Variants in CSF3R observed in about 807,000 individuals in gnomAD.
CSF3R encodes the protein colony stimulating factor 3 receptor, also known as granulocyte colony-stimulating factor receptor.
Under a neutral mutation model 84.4 loss-of-function variants are expected in CSF3R, and 52 were observed. The observed-to-expected ratio is 0.62, with a 90% CI of 0.49 to 0.78. CSF3R has a LOEUF of 0.78. Ranked by LOEUF, CSF3R falls within the 30% of genes least tolerant of loss-of-function variation. CSF3R has a pLI of 0.00. For missense variants in CSF3R, 890 were observed against 1,055.7 expected, an observed-to-expected ratio of 0.84 and a Z score of 2.17; for synonymous variants, 384 against 429.1, an observed-to-expected ratio of 0.89 and a Z score of 1.30.
chr1:36,480,476 T>C (rs1651453264), intron 2 of CSF3R, among the ~76,000 whole-genome samples: 1 of 152,160 alleles, frequency 6.6e-6, no homozygotes, highest in African/African-American at 2.4e-5. Flanking sequence ...GCTCCAGTCT[T>C]AGGAAGTATG....
chr1:36,475,818 G>A (rs1651108319), intron 3 of CSF3R, 145 bp from the exon 4 acceptor site: 1 of 799,418 alleles, frequency 1.3e-6, no homozygotes. Flanking sequence ...GAAGGATGGG[G>A]ACGGAGACTT....
rs1205048176 is a variant in CSF3R, at chr1:36,467,069, G to A, written c.2040+161C>T. ...AGGGAGGTGACTGAGGCTTTGAGAT[G>A]GACAGAGGTGGGATTCAAAGTTGGG... is the stretch of plus-strand genomic sequence containing the variant. On this transcript the variant is annotated intron_variant, in intron 16 of 16. Coordinates refer to ENST00000373106, the MANE Select transcript of CSF3R (RefSeq NM_000760.4). This position sits in a 1 kb window ranked among gnomAD's most constrained non-coding sequence, Gnocchi z 4.1. The A allele has an allele frequency of 4.9e-6, 6 of 1,224,862 alleles. No individual in the cohort carries two copies. In the East Asian group the frequency reaches 1.0e-4, roughly 20 times the overall value. The allele number at this position is 1,224,862 out of a possible 1,614,324, so 75.9% of individuals were successfully genotyped here.
chr1:36,470,963 C>T (rs1650678098), intron 10 of CSF3R, among the ~76,000 whole-genome samples: 1 of 152,198 alleles, frequency 6.6e-6, no homozygotes. Context: ...TCATCCCCAT[C>T]TGCTGGATGT....
In CSF3R at chr1:36,471,506, C is replaced by T. The variant is rs559429248; in HGVS notation, c.1212G>A (p.Gln404=). The change falls in exon 10 of 17, where the codon CAG becomes CAA. Residue 404 remains glutamine, a synonymous_variant. Coordinates refer to ENST00000373106, the MANE Select transcript of CSF3R (RefSeq NM_000760.4). ...AGTTATAGGCCACAAGGGCCACCTC[C>T]TGGGCTTCTGAAGGCAGGTGGAAGG... ...SCTFHLPSEA[Q]EVALVAYNSA... 73 of 1,614,226 alleles carry T rather than the reference C, an allele frequency of 4.5e-5. No individual in the cohort carries two copies. The highest frequency in any genetic ancestry group is 3.4e-4 in the South Asian group (31 of 91,092).
Position 36,467,156 on chromosome 1 carries a change from C to T in CSF3R, c.2040+74G>A, listed in dbSNP as rs1650375730. 1.3e-6 allele frequency: 2 copies of T among 1,526,036 alleles called. No individual in the cohort carries two copies. Among genetic ancestry groups the T allele is most frequent in the Non-Finnish European group, 1.8e-6 (2 of 1,100,066 alleles). 94.5% of individuals were successfully genotyped at this position (1,526,036 alleles called of 1,614,324 possible). A position where few individuals can be genotyped will look rare whatever the true frequency, so the allele number is the denominator to read the frequency against. ...GTGACAGGAAGGCCTGAGTACTTGGCTTCAGAAGGTGTCCCTTCACTGAGC... is the reference window on the plus strand; with the variant it reads ...GTGACAGGAAGGCCTGAGTACTTGGTTTCAGAAGGTGTCCCTTCACTGAGC... On this transcript the variant is annotated intron_variant, in intron 16 of 16. Coordinates refer to ENST00000373106, the MANE Select transcript of CSF3R (RefSeq NM_000760.4). The surrounding 1 kb of genome is among the most constrained non-coding windows in gnomAD (Gnocchi z 4.1).
chr1:36,476,862 G>GT (rs1651188606), intron 3 of CSF3R: 1 of 151,592 alleles, frequency 6.6e-6, no homozygotes, highest in Non-Finnish European at 1.5e-5. Flanking sequence ...TAGAGATGGG[G>GT]TTTCACTATG....
intron 4 of CSF3R, 79 bp downstream of exon 4, chr1:36,475,298 T>A (rs1254825946): frequency 6.4e-7 from 1 of 1,571,568 alleles, no homozygotes; most frequent in East Asian, 2.2e-5. Context: ...TGAGCCAACG[T>A]GCCCGGCTGG....
At chr1:36,473,973 C>T (rs1371048884) in intron 4 of CSF3R, 86 bp from the exon 5 acceptor site, 1 of 1,598,372 alleles carries the variant, frequency 6.3e-7, no homozygotes, top group Non-Finnish European at 8.6e-7. Flanking sequence ...TGTTGCCTTG[C>T]CCTGGCTTGG....
Position 36,469,243 on chromosome 1 carries a change from A to C in CSF3R, c.1489T>G (p.Phe497Val), listed in dbSNP as rs1557589357. Residue 497 changes from phenylalanine to valine, a missense_variant, in exon 12 of 17, where the codon TTT (phenylalanine) becomes GTT (valine). Transcript: ENST00000373106. ...GFLLKENIRP[F>V]QLYEIIVTPL... ...GTCACGATGATCTCATAGAGCTGAA[A>C]GGGCCTGATGTTCTCTGTAGAGAGA... 1 of 1,613,952 alleles carries C rather than the reference A, an allele frequency of 6.2e-7. No individual in the cohort carries two copies. The highest frequency in any genetic ancestry group is 2.2e-5 in the East Asian group (1 of 44,870).
rs3917954 is a variant in CSF3R, at chr1:36,475,633, G to T, written c.105C>A (p.Ile35=). ...CTGTGATGGGATCCCCCAGGTGGAC[G>T]ATGGGGGCTGAGACACTGATGTGCC... ...ECGHISVSAP[I]VHLGDPITAS... Residue 35 remains isoleucine (I), a synonymous_variant, in exon 4 of 17, where the codon ATC becomes ATA. Coordinates refer to ENST00000373106, the MANE Select transcript of CSF3R (RefSeq NM_000760.4). The T allele has an allele frequency of 3.5e-3, 5,695 of 1,606,998 alleles. 197 individuals carry two copies. In the African/African-American group the frequency reaches 0.067, roughly 19 times the overall value.
chr1:36,466,329 A>T lies in CSF3R; in HGVS notation c.*28T>A. 2 of 1,612,186 alleles carry T rather than the reference A, an allele frequency of 1.2e-6. No homozygotes were observed. Among genetic ancestry groups the T allele is most frequent in the East Asian group, 4.5e-5 (2 of 44,870 alleles). On this transcript the variant is annotated 3_prime_UTR_variant, in exon 17 of 17. Transcript: ENST00000373106. The surrounding 1 kb of genome is among the most constrained non-coding windows in gnomAD (Gnocchi z 4.6). ...CAGCTAGCTCAGGCCTTTAAGAGGCAGGCCCAAGAAGGGAACCCCAGGAAG... is the reference window on the plus strand; with the variant it reads ...CAGCTAGCTCAGGCCTTTAAGAGGCTGGCCCAAGAAGGGAACCCCAGGAAG...
chr1:36,473,998 C>T (rs986246816), intron 4 of CSF3R, 111 bp from the exon 5 acceptor site: 1 of 1,497,736 alleles, frequency 6.7e-7, no homozygotes, highest in South Asian at 1.1e-5. Context: ...TCTGTTGTCA[C>T]CTTGTCTGTC....
At chr1:36,482,464 A>G (rs980032293) in intron 1 of CSF3R, among the ~76,000 whole-genome samples, 3 of 152,118 alleles carry the variant, frequency 2.0e-5, no homozygotes, top group African/African-American at 7.2e-5. Flanking sequence ...AGTGAAATAG[A>G]GACCCAGACG....
At chr1:36,474,490 T>G (rs1038272054) in intron 4 of CSF3R, among the ~76,000 whole-genome samples, 1 of 151,140 alleles carries the variant, frequency 6.6e-6, no homozygotes, top group Non-Finnish European at 1.5e-5. Flanking sequence ...AATTTTTGTA[T>G]TTTTAGTAGA....
At chr1:36,476,947 G>A (rs2124142767) in intron 3 of CSF3R, 1 of 152,110 alleles carries the variant, frequency 6.6e-6, no homozygotes, top group South Asian at 2.1e-4. Context: ...TGGGACTACA[G>A]ATGTGAACCA....
chr1:36,469,530 G>C (rs1650565204), intron 11 of CSF3R, 122 bp downstream of exon 11: 2 of 1,209,214 alleles, frequency 1.7e-6, no homozygotes, highest in Non-Finnish European at 2.4e-6. Flanking sequence ...GAACAACGAA[G>C]GATCAAGAAA....
chr1:36,477,766 C>CT (rs1276385030), intron 3 of CSF3R: 5,449 of 143,190 alleles, frequency 0.038, 296 homozygotes, highest in African/African-American at 0.13. Flanking sequence ...CTCAGGATTT[C>CT]TTTTTTTTTT....
rs1300070600 is a variant in CSF3R, at chr1:36,471,569, G to A, written c.1149C>T (p.Ala383=). 1.9e-6 allele frequency: 3 copies of A among 1,614,120 alleles called. No individual in the cohort carries two copies. Among genetic ancestry groups the A allele is most frequent in the Non-Finnish European group, 2.5e-6 (3 of 1,180,038 alleles). The change falls in exon 10 of 17, where the codon GCC becomes GCT. Residue 383 remains alanine, a synonymous_variant. Transcript: ENST00000373106. ...VSWRPSGQAG[A]ILPLCNTTEL... is the part of the protein sequence containing the mutation. ...CTGTGGTGTTGCAGAGGGGCAGGAT[G>A]GCCCCAGCCTGGCCTGAGGGTCTCC...
chr1:36,481,651 C>A (rs991264493), intron 1 of CSF3R, 114 bp from the exon 2 acceptor site: 1 of 152,284 alleles, frequency 6.6e-6, no homozygotes, highest in Non-Finnish European at 1.5e-5. Context: ...TGGCACTCAG[C>A]AACCATAGGT....
Sources: allele counts gnomAD v4.1 joint callset (sites outside exome capture counted in the v4.1 genomes callset), GRCh38; gene constraint gnomAD v4.1.1; non-coding constraint Gnocchi (gnomAD v3.1); transcripts MANE v1.5; gene names NCBI Gene and HGNC (gene_info 2026-07-23, HGNC 2026-07-21).